Variants in SGMS1 observed in about 807,000 individuals in gnomAD.
The protein encoded by SGMS1 is phosphatidylcholine:ceramide cholinephosphotransferase 1.
SGMS1 carries 13 observed loss-of-function variants against 46.2 expected under a neutral mutation model. The ratio of observed to expected loss-of-function variants is 0.28; its 90% CI spans 0.18 to 0.45. The LOEUF is 0.45. SGMS1 is among the 20% of genes least tolerant of loss of function. The pLI, the probability that SGMS1 is intolerant of heterozygous loss-of-function variation, is 1.00. For synonymous variants in SGMS1, 203 were observed against 187.8 expected, an observed-to-expected ratio of 1.08 and a Z score of -0.66; for missense variants, 324 against 519.9, an observed-to-expected ratio of 0.62 and a Z score of 3.66.
At chr10:50,499,766 A>G (rs191520283) in intron 3 of SGMS1, among the ~76,000 whole-genome samples, 20 of 152,360 alleles carry the variant, frequency 1.3e-4, no homozygotes, top group African/African-American at 4.6e-4. Flanking sequence ...ACATTGTGAG[A>G]CAAGATTGGT....
intron 1 of SGMS1, among the ~76,000 whole-genome samples, chr10:50,610,959 A>T (rs1838744140): frequency 6.6e-6 from 1 of 152,178 alleles, no homozygotes; most frequent in South Asian, 2.1e-4. Flanking sequence ...AATGGCATAC[A>T]GGGGACATTC....
chr10:50,552,381 T>C (rs3011792), intron 2 of SGMS1, among the ~76,000 whole-genome samples: 1 of 152,110 alleles, frequency 6.6e-6, no homozygotes, highest in Non-Finnish European at 1.5e-5. Flanking sequence ...TAAGTAGACA[T>C]ACCCTTTAAA....
At chr10:50,545,998 T>G (rs1395380860) in intron 2 of SGMS1, among the ~76,000 whole-genome samples, 1 of 152,186 alleles carries the variant, frequency 6.6e-6, no homozygotes, top group Non-Finnish European at 1.5e-5. Context: ...TTATACATTT[T>G]GGGGAAAGAA....
intron 2 of SGMS1, among the ~76,000 whole-genome samples, chr10:50,532,090 A>C (rs1837958610): frequency 6.6e-6 from 1 of 152,158 alleles, no homozygotes; most frequent in Non-Finnish European, 1.5e-5. Context: ...GGTCAGGGTC[A>C]CCATCCGTGT....
In SGMS1 at chr10:50,490,867, C is replaced by T. The variant is rs192630981; in HGVS notation, c.-497-23935G>A. ...TCAGTGGGTGCTCCCACTCCATGGC[C>T]TCTCAAGACCATGTTATGGAACCTA... On this transcript the variant is annotated intron_variant, in intron 3 of 10. Coordinates refer to ENST00000361781, the MANE Select transcript of SGMS1 (RefSeq NM_147156.4). Among the ~76,000 whole-genome samples the T allele has an allele frequency of 1.3e-3, 196 of 152,280 alleles. 1 individual carries two copies. Among genetic ancestry groups the T allele is most frequent in the African/African-American group, 4.6e-3 (191 of 41,542 alleles).
At chr10:50,324,396 C>T (rs1847497882) in intron 8 of SGMS1, among the ~76,000 whole-genome samples, 1 of 152,186 alleles carries the variant, frequency 6.6e-6, no homozygotes, top group Non-Finnish European at 1.5e-5. Flanking sequence ...CGATGATGTT[C>T]AGACATCAAA....
At position 50,305,979 on chromosome 10, in the gene SGMS1, G is replaced by T. The variant is rs1326673275; in HGVS notation, c.*1163C>A. On this transcript the variant is annotated 3_prime_UTR_variant, in exon 11 of 11. Coordinates refer to ENST00000361781, the MANE Select transcript of SGMS1 (RefSeq NM_147156.4). ...AGTTTCTGCACAAATATCTTTTAAA[G>T]AAATAGATCTCTTTTTTGTTGTTCA... 2 of 150,776 alleles carry T rather than the reference G, an allele frequency of 1.3e-5. No homozygotes were observed. The highest frequency in any genetic ancestry group is 2.5e-5 in the African/African-American group (1 of 39,782). The allele number at this position is 150,776 out of a possible 1,614,324, so 9.3% of individuals were successfully genotyped here.
At chr10:50,370,410 T>C (rs1369214048) in intron 6 of SGMS1, among the ~76,000 whole-genome samples, 1 of 151,518 alleles carries the variant, frequency 6.6e-6, no homozygotes, top group Non-Finnish European at 1.5e-5. Context: ...ATTTTTTAAA[T>C]TTTAATTTTT....
chr10:50,323,908 A>C (rs1847489225), intron 8 of SGMS1, among the ~76,000 whole-genome samples: 1 of 152,166 alleles, frequency 6.6e-6, no homozygotes, highest in African/African-American at 2.4e-5. Flanking sequence ...ATAAGTTACA[A>C]ATTTAAACTA....
chr10:50,439,091 C>T (rs1227300941), intron 5 of SGMS1, among the ~76,000 whole-genome samples: 2 of 151,998 alleles, frequency 1.3e-5, no homozygotes, highest in Non-Finnish European at 2.9e-5. Context: ...AAACATGTTC[C>T]AAGAGACATG....
intron 6 of SGMS1, among the ~76,000 whole-genome samples, chr10:50,429,045 T>C (rs1849365986): frequency 6.6e-6 from 1 of 152,212 alleles, no homozygotes; most frequent in South Asian, 2.1e-4. Flanking sequence ...AAAGTTAAAA[T>C]AGAATGGCTG....
chr10:50,550,925 T>C (rs1189037084), intron 2 of SGMS1, among the ~76,000 whole-genome samples: 2 of 152,184 alleles, frequency 1.3e-5, no homozygotes, highest in East Asian at 1.9e-4. Flanking sequence ...TAAATATCCA[T>C]GAATCCATAC....
chr10:50,326,818 C>G (rs186958365), intron 8 of SGMS1, among the ~76,000 whole-genome samples: 141 of 152,240 alleles, frequency 9.3e-4, no homozygotes, highest in African/African-American at 3.3e-3. Context: ...CTCTTCCTGG[C>G]TCTGCTGTAG....
At chr10:50,370,718 C>T (rs952438207) in intron 6 of SGMS1, among the ~76,000 whole-genome samples, 5 of 147,858 alleles carry the variant, frequency 3.4e-5, no homozygotes, top group African/African-American at 5.0e-5. Context: ...TCCAGTCTGG[C>T]GACAGAGCGA....
At chr10:50,551,977 T>G (rs865923869) in intron 2 of SGMS1, among the ~76,000 whole-genome samples, 3 of 152,330 alleles carry the variant, frequency 2.0e-5, no homozygotes, top group African/African-American at 7.2e-5. Flanking sequence ...TTTTAAGCCC[T>G]GCAAGCCTAT....
upstream of SGMS1, chr10:50,624,777 C>G (rs1362458412): frequency 2.0e-6 from 2 of 986,198 alleles, no homozygotes; most frequent in Non-Finnish European, 2.4e-6. Context: ...GCGGGGAGAG[C>G]TGGCCTTCCC....
At chr10:50,376,224 A>T (rs1330638022) in intron 6 of SGMS1, among the ~76,000 whole-genome samples, 2 of 152,198 alleles carry the variant, frequency 1.3e-5, no homozygotes, top group Non-Finnish European at 2.9e-5. Context: ...ATACACTAAA[A>T]TGCACAAAAG....
At chr10:50,483,046 C>T (rs1411891559) in intron 3 of SGMS1, among the ~76,000 whole-genome samples, 4 of 151,982 alleles carry the variant, frequency 2.6e-5, no homozygotes, top group African/African-American at 7.2e-5. Context: ...CAGGAGCACC[C>T]GAATTCATAA....
chr10:50,356,047 C>T (rs183542202), intron 6 of SGMS1, among the ~76,000 whole-genome samples: 2,213 of 152,282 alleles, frequency 0.015, 58 homozygotes, highest in African/African-American at 0.05. Flanking sequence ...GCAGCCACCC[C>T]GTCTGGGAGG....
Sources: gnomAD v4.1 joint callset for allele counts (sites outside exome capture counted in the v4.1 genomes callset) on GRCh38, gnomAD v4.1.1 for gene constraint, MANE v1.5 for transcripts, NCBI Gene and HGNC (gene_info 2026-07-23, HGNC 2026-07-21) for gene names.